The following ESYT2 variants were observed in gnomAD, a reference collection of about 807,000 sequenced individuals.
The protein encoded by ESYT2 is extended synaptotagmin-2.
ESYT2 carries 54 observed loss-of-function variants against 107.2 expected under a neutral mutation model. The ratio of observed to expected loss-of-function variants is 0.50; its 90% CI spans 0.40 to 0.63. The LOEUF (loss-of-function observed/expected upper bound fraction) is 0.63, where lower values mean the gene tolerates loss of function less well. ESYT2 is among the 30% of genes least tolerant of loss of function. The probability of loss-of-function intolerance (pLI) is 0.00; values close to 1 mark genes in which losing one functional copy is unlikely to be tolerated. For synonymous variants in ESYT2, 491 were observed against 434.1 expected (o/e 1.13, Z -1.63); for missense variants, 1,020 against 1,094.5 (o/e 0.93, Z 0.96).
At chr7:158,760,785 A>C (rs1837935586) in intron 11 of ESYT2, among the ~76,000 whole-genome samples, 1 of 152,206 alleles carries the variant, frequency 6.6e-6, no homozygotes, top group Admixed American at 6.5e-5. Context: ...ATAATTAATC[A>C]AAGATGCTCC....
intron 4 of ESYT2, among the ~76,000 whole-genome samples, chr7:158,791,141 C>T (rs901750432): frequency 2.0e-5 from 3 of 152,150 alleles, no homozygotes; most frequent in East Asian, 1.9e-4. Flanking sequence ...ACCACCATTC[C>T]GCTTCTGTCT....
chr7:158,775,588 G>A (rs150756443), intron 6 of ESYT2, among the ~76,000 whole-genome samples: 156 of 152,224 alleles, frequency 1.0e-3, no homozygotes, highest in African/African-American at 3.5e-3. Flanking sequence ...GCAATTTCTC[G>A]TCCTTAAACT....
intron 1 of ESYT2, among the ~76,000 whole-genome samples, chr7:158,826,887 G>A (rs891077453): frequency 2.0e-5 from 3 of 151,648 alleles, no homozygotes; most frequent in East Asian, 1.9e-4. Flanking sequence ...CTGTGTGGCC[G>A]GGCGCGGTGG....
At chr7:158,765,878 T>G (rs886799476) in intron 8 of ESYT2, among the ~76,000 whole-genome samples, 1 of 152,170 alleles carries the variant, frequency 6.6e-6, no homozygotes, top group Non-Finnish European at 1.5e-5. Flanking sequence ...GTAGGAAGCA[T>G]TCTGCCCCCA....
chr7:158,760,696 C>T (rs764548648), intron 11 of ESYT2, among the ~76,000 whole-genome samples: 2 of 152,164 alleles, frequency 1.3e-5, no homozygotes, highest in Non-Finnish European at 2.9e-5. Context: ...CAGTATCAAA[C>T]GATTTAATCT....
At chr7:158,765,185 C>T (rs976551209) in intron 8 of ESYT2, among the ~76,000 whole-genome samples, 18 of 151,964 alleles carry the variant, frequency 1.2e-4, no homozygotes, top group African/African-American at 2.2e-4. Flanking sequence ...GGCAGAGGGA[C>T]GCCGAATGCA....
chr7:158,806,040 G>T (rs770682542), intron 1 of ESYT2, among the ~76,000 whole-genome samples: 68 of 128,566 alleles, frequency 5.3e-4, no homozygotes, highest in Non-Finnish European at 9.4e-4. Flanking sequence ...GCCTGAAGGA[G>T]GACACTAGCA....
chr7:158,736,997 A>G (rs763472326), intron 20 of ESYT2, 51 bp downstream of exon 20: 7 of 1,604,714 alleles, frequency 4.4e-6, no homozygotes, highest in South Asian at 3.3e-5. Flanking sequence ...GGCCTTCTTA[A>G]TCCGTCACTT....
chr7:158,748,736 G>C (rs1413968051), intron 15 of ESYT2, among the ~76,000 whole-genome samples: 1 of 150,554 alleles, frequency 6.6e-6, no homozygotes. Context: ...TTTTTTGGTA[G>C]GGGGGACAGA....
rs191678832 is a variant in ESYT2 at position 158,784,490 on chromosome 7, T to C, written c.747+3514A>G. 5.3e-3 allele frequency among the ~76,000 whole-genome samples: 804 copies of C among 152,246 alleles called. 6 individuals are homozygous for C. Among genetic ancestry groups the C allele is most frequent in the African/African-American group, 0.018 (764 of 41,546 alleles). On this transcript the variant is annotated intron_variant, in intron 6 of 22. Transcript: ENST00000275418. ...AAGGATGCAGGAAGACGCAAGGCTT[T>C]CTCTGAAGTGCTGGCAGACATGCTA...
intron 1 of ESYT2, among the ~76,000 whole-genome samples, chr7:158,813,698 A>C (rs967394604): frequency 6.6e-6 from 1 of 152,290 alleles, no homozygotes; most frequent in Non-Finnish European, 1.5e-5. Flanking sequence ...ACGTGTTAAC[A>C]GTAAGAAGGA....
chr7:158,825,827 G>A lies in ESYT2; in HGVS notation c.330+3262C>T, dbSNP rs780588246. ...GATGTACAGATACATCTTGTTCAAGGCAAAATACCAGTCCAAAGTTCAGAA... is the reference window on the plus strand; with the variant it reads ...GATGTACAGATACATCTTGTTCAAGACAAAATACCAGTCCAAAGTTCAGAA... On this transcript the variant is annotated intron_variant, in intron 1 of 22. Coordinates refer to ENST00000275418, the MANE Select transcript of ESYT2 (RefSeq NM_001367773.1). Among the ~76,000 whole-genome samples the A allele has an allele frequency of 8.7e-4, 133 of 152,182 alleles. 1 individual carries two copies. The highest frequency in any genetic ancestry group is 4.6e-3 in the Admixed American group (70 of 15,290).
rs768018220 is a variant in ESYT2 at position 158,739,004 on chromosome 7, G to C, written c.2267+19C>G. On this transcript the variant is annotated intron_variant, in intron 19 of 22. Transcript: ENST00000275418. ...CACTCAGCAGCACAGCAGCGGGCGC[G>C]TGGGACCCCAGCCCCCACCTGCAGG... is the stretch of plus-strand genomic sequence containing the variant. 1.7e-5 allele frequency: 28 copies of C among 1,612,476 alleles called. No individual in the cohort carries two copies. The highest frequency in any genetic ancestry group is 2.3e-5 in the Non-Finnish European group (27 of 1,178,654).
intron 6 of ESYT2, 73 bp downstream of exon 6, chr7:158,787,931 T>TTA: frequency 7.9e-7 from 1 of 1,264,248 alleles, no homozygotes; most frequent in South Asian, 1.2e-5. Flanking sequence ...TTTCTCCACT[T>TTA]TATATATTCT....
chr7:158,782,187 G>C (rs867689694), intron 6 of ESYT2, among the ~76,000 whole-genome samples: 2 of 150,904 alleles, frequency 1.3e-5, no homozygotes, highest in East Asian at 4.0e-4. Flanking sequence ...GAGTGTGAAA[G>C]AACAAGTGAG....
chr7:158,813,951 ACT>A, intron 1 of ESYT2, among the ~76,000 whole-genome samples: 1 of 152,156 alleles, frequency 6.6e-6, no homozygotes, highest in South Asian at 2.1e-4. Context: ...CGTCCCAATG[ACT>A]CTCACAGATC....
chr7:158,750,918 C>T (rs1352381770), intron 14 of ESYT2, among the ~76,000 whole-genome samples: 6 of 152,268 alleles, frequency 3.9e-5, no homozygotes, highest in African/African-American at 1.2e-4. Context: ...CCAGAACCCC[C>T]GGACTTTAGA....
chr7:158,762,629 A>G (rs920439537), intron 10 of ESYT2, among the ~76,000 whole-genome samples: 6 of 152,234 alleles, frequency 3.9e-5, no homozygotes, highest in Non-Finnish European at 7.3e-5. Flanking sequence ...AATTGAAGTG[A>G]ACAAACCAGT....
At chr7:158,764,910 G>T (rs1056318423) in intron 8 of ESYT2, 57 bp from the exon 9 acceptor site, 9 of 1,554,138 alleles carry the variant, frequency 5.8e-6, no homozygotes, top group Non-Finnish European at 7.9e-6. Context: ...TAACTGGCAT[G>T]GAAGATAGCT....
Sources: gnomAD v4.1 joint callset for allele counts (sites outside exome capture counted in the v4.1 genomes callset) on GRCh38, gnomAD v4.1.1 for gene constraint, MANE v1.5 for transcripts, NCBI Gene and HGNC (gene_info 2026-07-23, HGNC 2026-07-21) for gene names.